PUM2: variants seen among roughly 807,000 people sequenced by gnomAD.
PUM2 encodes pumilio homolog 2.
PUM2 carries 57 observed loss-of-function variants against 124.5 expected under a neutral mutation model. The observed-to-expected ratio is 0.46, with a 90% CI of 0.37 to 0.57. The LOEUF is 0.57. Ranked by LOEUF, PUM2 falls within the 20% of genes least tolerant of loss-of-function variation. PUM2 has a pLI of 0.00. For missense variants in PUM2, 1,065 were observed against 1,290.6 expected, an observed-to-expected ratio of 0.83 and a Z score of 2.68; for synonymous variants, 460 against 446.1, an observed-to-expected ratio of 1.03 and a Z score of -0.39.
At position 20,311,564 on chromosome 2, in the gene PUM2, C is replaced by T; in HGVS notation, c.448G>A (p.Asp150Asn). 6.2e-7 allele frequency: 1 copy of T among 1,613,452 alleles called. No homozygotes were observed. The highest frequency in any genetic ancestry group is 8.5e-7 in the Non-Finnish European group (1 of 1,179,600). ...CCATTTATTTTAGAATCATCATCAT[C>T]TCCTTGTTTAAGATCTCTGTTTTGG... is the stretch of plus-strand genomic sequence containing the variant. ...EDQNRDLKQG[D>N]DDDSKINGRG... The change falls in exon 5 of 21, where the codon GAT becomes AAT. Residue 150 changes from aspartate to asparagine, a missense_variant. Physicochemically the swap from Asp to Asn is conservative, Grantham distance 23 (BLOSUM62 1). Around this residue, in one of 3 missense-constraint regions of PUM2, gnomAD observed 968 missense variants for 1,159.8 expected, o/e 0.83. Transcript: ENST00000361078.
chr2:20,249,536 C>A lies in PUM2; in HGVS notation c.*2049G>T, dbSNP rs1037958342. 2.0e-5 allele frequency: 3 copies of A among 152,588 alleles called. No homozygotes were observed. Among genetic ancestry groups the A allele is most frequent in the Admixed American group, 6.5e-5 (1 of 15,274 alleles). 9.5% of individuals were successfully genotyped at this position (152,588 alleles called of 1,614,324 possible). On this transcript the variant is annotated 3_prime_UTR_variant, in exon 21 of 21. Transcript: ENST00000361078. ...GTTAGAAAAGTAAAATAACTCAACA[C>A]CAAACATGAAAAAGTATGCCTGGCA...
intron 14 of PUM2, 84 bp from the exon 15 acceptor site, chr2:20,260,550 G>C (rs1443464639): frequency 4.2e-6 from 5 of 1,189,774 alleles, no homozygotes; most frequent in Non-Finnish European, 5.8e-6. Context: ...TATATGCACT[G>C]CAAGTTATTT....
rs1484776886 is a variant in PUM2, at chr2:20,326,754, AG to A, written c.51+555del. On this transcript the variant is annotated intron_variant, in intron 2 of 20. Coordinates refer to ENST00000361078, the MANE Select transcript of PUM2 (RefSeq NM_015317.5). ...TAGGCATTCAAAGCTAATAATTTAC[AG>A]GGGAGACAAGTGTAAAACAAACTAA... Among the ~76,000 whole-genome samples, 3 of 152,238 alleles carry A rather than the reference AG, an allele frequency of 2.0e-5. No homozygotes were observed. In the East Asian group the frequency reaches 5.8e-4, roughly 29 times the overall value.
chr2:20,350,719 T>C lies in PUM2; in HGVS notation c.-141A>G. On this transcript the variant is annotated 5_prime_UTR_variant, in exon 1 of 21. Coordinates refer to ENST00000361078, the MANE Select transcript of PUM2 (RefSeq NM_015317.5). ...GGCGGCAATGTCTTCTTTCTCCACC[T>C]ACCACCCTCCCCCCCCACCCCACCT... 1 of 973,566 alleles carries C rather than the reference T, an allele frequency of 1.0e-6. No individual in the cohort carries two copies. Among genetic ancestry groups the C allele is most frequent in the Non-Finnish European group, 1.2e-6 (1 of 824,794 alleles). 60.3% of individuals were successfully genotyped at this position (973,566 alleles called of 1,614,324 possible). A position where few individuals can be genotyped will look rare whatever the true frequency, so the allele number is the denominator to read the frequency against.
intron 1 of PUM2, among the ~76,000 whole-genome samples, chr2:20,345,258 G>A (rs1319044966): frequency 5.9e-5 from 9 of 151,698 alleles, no homozygotes; most frequent in Non-Finnish European, 1.2e-4. Flanking sequence ...CTGTAAGTGC[G>A]TGCCACCATG....
At chr2:20,324,035 AGAATT>A (rs1683074717) in intron 2 of PUM2, among the ~76,000 whole-genome samples, 2 of 152,080 alleles carry the variant, frequency 1.3e-5, no homozygotes, top group Admixed American at 1.3e-4. Flanking sequence ...AGTTTAAGAT[AGAATT>A]AAGATAGAGA....
chr2:20,270,342 T>G (rs1321456355), intron 13 of PUM2, among the ~76,000 whole-genome samples: 1 of 152,142 alleles, frequency 6.6e-6, no homozygotes, highest in Non-Finnish European at 1.5e-5. Flanking sequence ...CTGATTGGAG[T>G]GAAGAAAAAT....
In PUM2 at chr2:20,250,297, T is replaced by G. The variant is rs950949160; in HGVS notation, c.*1288A>C. On this transcript the variant is annotated 3_prime_UTR_variant, in exon 21 of 21. Transcript: ENST00000361078. ...TCTGAAACCATATAAAGATAAAAAA[T>G]TTTTAAAAAATCACTCTCGATTTGG... The G allele has an allele frequency of 6.6e-6, 1 of 152,478 alleles. No individual in the cohort carries two copies. Among genetic ancestry groups the G allele is most frequent in the Non-Finnish European group, 1.5e-5 (1 of 67,996 alleles). 9.4% of individuals were successfully genotyped at this position (152,478 alleles called of 1,614,324 possible). A position where few individuals can be genotyped will look rare whatever the true frequency, so the allele number is the denominator to read the frequency against.
At position 20,298,845 on chromosome 2, in the gene PUM2, A is replaced by G. The variant is rs187246258; in HGVS notation, c.884-1167T>C. On this transcript the variant is annotated intron_variant, in intron 7 of 20. Coordinates refer to ENST00000361078, the MANE Select transcript of PUM2 (RefSeq NM_015317.5). ...GAGGGCGAGACTCCGTCTCAGAATAATAACAATAACAACAATAATGATAAT... is the reference window on the plus strand; with the variant it reads ...GAGGGCGAGACTCCGTCTCAGAATAGTAACAATAACAACAATAATGATAAT... Among the ~76,000 whole-genome samples the G allele has an allele frequency of 1.0e-3, 158 of 152,314 alleles. 1 individual carries two copies. Among genetic ancestry groups the G allele is most frequent in the East Asian group, 1.9e-3 (10 of 5,186 alleles).
chr2:20,349,992 C>T (rs750716467), intron 1 of PUM2, among the ~76,000 whole-genome samples: 1 of 152,216 alleles, frequency 6.6e-6, no homozygotes, highest in Non-Finnish European at 1.5e-5. Flanking sequence ...TACAAAACTA[C>T]TGCTCAAATA....
chr2:20,290,258 C>T (rs911232595), intron 10 of PUM2, among the ~76,000 whole-genome samples: 1 of 152,124 alleles, frequency 6.6e-6, no homozygotes, highest in Non-Finnish European at 1.5e-5. Context: ...GAAACATTAG[C>T]GGCAAACTTC....
Position 20,260,476 on chromosome 2 carries a change from G to A in PUM2, c.2226-10C>T. 2 of 1,596,788 alleles carry A rather than the reference G, an allele frequency of 1.3e-6. No homozygotes were observed. The highest frequency in any genetic ancestry group is 1.7e-6 in the Non-Finnish European group (2 of 1,166,546). On this transcript the variant is annotated splice_polypyrimidine_tract_variant and intron_variant, in intron 14 of 20. Transcript: ENST00000361078. ...TTTTTGCTGTATGAATCTACATAGG[G>A]AACATTTTTAATATGACAATATGTT...
At chr2:20,276,395 T>A (rs1302288425) in intron 13 of PUM2, among the ~76,000 whole-genome samples, 1 of 152,044 alleles carries the variant, frequency 6.6e-6, no homozygotes, top group Non-Finnish European at 1.5e-5. Flanking sequence ...GTAATGGTTG[T>A]AACATTCACA....
At chr2:20,293,823 A>G (rs1016382272) in intron 9 of PUM2, among the ~76,000 whole-genome samples, 3 of 152,168 alleles carry the variant, frequency 2.0e-5, no homozygotes, top group Non-Finnish European at 4.4e-5. Context: ...TGAATGTGAC[A>G]GTCAGAATTC....
chr2:20,301,187 C>T (rs1484247743), intron 7 of PUM2, among the ~76,000 whole-genome samples: 3 of 152,156 alleles, frequency 2.0e-5, no homozygotes, highest in Admixed American at 2.0e-4. Flanking sequence ...CTTCCTGAGG[C>T]TGCGACATGG....
intron 13 of PUM2, among the ~76,000 whole-genome samples, chr2:20,263,901 G>A (rs1666902420): frequency 6.6e-6 from 1 of 151,838 alleles, no homozygotes; most frequent in Non-Finnish European, 1.5e-5. Flanking sequence ...TCTAGTTTTT[G>A]CATTCGGTCA....
chr2:20,307,088 C>T (rs887472692), intron 7 of PUM2, among the ~76,000 whole-genome samples: 4 of 151,904 alleles, frequency 2.6e-5, no homozygotes, highest in East Asian at 2.0e-4. Context: ...TGGTGGCAGA[C>T]GCCTGTGATC....
chr2:20,331,367 A>C (rs1225687500), intron 1 of PUM2, among the ~76,000 whole-genome samples: 1 of 152,214 alleles, frequency 6.6e-6, no homozygotes. Context: ...TTAAGGAGAA[A>C]TATTCAATCC....
In PUM2 at chr2:20,318,637, A is replaced by C. The variant is rs1293273495; in HGVS notation, c.60T>G (p.Pro20=). The change falls in exon 3 of 21, where the codon CCT becomes CCG. Residue 20 remains proline (P), a synonymous_variant. Coordinates refer to ENST00000361078, the MANE Select transcript of PUM2 (RefSeq NM_015317.5). The part of the protein sequence containing the change: ...LESRGMGELL[P]TKKFWEPDDS... ...CATCAGGTTCCCAAAACTTTTTGGT[A>C]GGCAAAAGCTATTTGGAGGAAAAAT... 6.2e-7 allele frequency: 1 copy of C among 1,611,118 alleles called. No individual in the cohort carries two copies. Among genetic ancestry groups the C allele is most frequent in the African/African-American group, 1.3e-5 (1 of 75,018 alleles).
Sources: allele counts gnomAD v4.1 joint callset (sites outside exome capture counted in the v4.1 genomes callset), GRCh38; gene constraint gnomAD v4.1.1; regional missense constraint gnomAD v4.1.1; transcripts MANE v1.5; gene names NCBI Gene and HGNC (gene_info 2026-07-23, HGNC 2026-07-21).